Variants in EVI5 observed in about 807,000 individuals in gnomAD.
The protein encoded by EVI5 is ecotropic viral integration site 5, also known as ecotropic viral integration site 5 protein homolog.
EVI5 carries 73 observed loss-of-function variants against 112.0 expected under a neutral mutation model. That is an observed-to-expected ratio of 0.65 (90% CI 0.54 to 0.79). The LOEUF is 0.79. Ranked by LOEUF, EVI5 falls within the 30% of genes least tolerant of loss-of-function variation. EVI5 has a pLI of 0.00. For synonymous variants in EVI5, 305 were observed against 319.9 expected, an observed-to-expected ratio of 0.95 and a Z score of 0.50; for missense variants, 900 against 968.8, an observed-to-expected ratio of 0.93 and a Z score of 0.94.
intron 1 of EVI5, chr1:92,749,079 A>G (rs997272565): frequency 5.2e-5 from 9 of 172,326 alleles, no homozygotes; most frequent in African/African-American, 1.4e-4. Context: ...AAAAAAAAAA[A>G]AAAAAAGAAA....
chr1:92,625,743 T>C (rs755695414), intron 15 of EVI5, 51 bp downstream of exon 15: 19 of 1,537,860 alleles, frequency 1.2e-5, no homozygotes, highest in African/African-American at 5.5e-5. Flanking sequence ...ACAAATTGGA[T>C]ATTTCGGTTT....
intron 2 of EVI5, among the ~76,000 whole-genome samples, chr1:92,705,432 T>C (rs939351941): frequency 1.3e-5 from 2 of 152,208 alleles, no homozygotes; most frequent in African/African-American, 4.8e-5. Context: ...TATAGCTGCG[T>C]GGGAGCTTCT....
chr1:92,607,689 T>C lies in EVI5; in HGVS notation c.1866A>G (p.Gln622=), dbSNP rs373410363. Residue 622 remains glutamine, a synonymous_variant, in exon 17 of 20, where the codon CAA becomes CAG. Coordinates refer to ENST00000684568, the MANE Select transcript of EVI5 (RefSeq NM_001350197.2). ...INSNHLRRAE[Q]EVISLQEKVQ... The stretch of plus-strand genomic sequence containing the variant: ...CTTTCTCCTGTAGGCTAATCACCTC[T>C]TGTTCTGCTCTTCGAAGATGGTTAC... 12 of 1,605,276 alleles carry C rather than the reference T, an allele frequency of 7.5e-6. No individual in the cohort carries two copies. In the African/African-American group the frequency reaches 1.6e-4, roughly 22 times the overall value.
At chr1:92,709,959 G>A (rs1037811681) in intron 2 of EVI5, among the ~76,000 whole-genome samples, 4 of 151,484 alleles carry the variant, frequency 2.6e-5, no homozygotes, top group Non-Finnish European at 5.9e-5. Context: ...TTGGCAGCTG[G>A]GAAAATGGTA....
chr1:92,780,217 C>T (rs573834537), intron 1 of EVI5, among the ~76,000 whole-genome samples: 1 of 152,224 alleles, frequency 6.6e-6, no homozygotes, highest in Non-Finnish European at 1.5e-5. Context: ...TGCTTTCCAC[C>T]ATGGTTGTAA....
chr1:92,758,353 G>A (rs1033205264), intron 1 of EVI5, among the ~76,000 whole-genome samples: 3 of 152,016 alleles, frequency 2.0e-5, no homozygotes, highest in Non-Finnish European at 2.9e-5. Flanking sequence ...TGGATTGCTC[G>A]AGCCCAGGAG....
At chr1:92,531,706 A>G (rs900053600) in intron 19 of EVI5, among the ~76,000 whole-genome samples, 13 of 152,354 alleles carry the variant, frequency 8.5e-5, no homozygotes, top group African/African-American at 3.1e-4. Context: ...CAAGCGAAGG[A>G]AAAATAAAAT....
chr1:92,769,557 G>C (rs547972837), intron 1 of EVI5, among the ~76,000 whole-genome samples: 2 of 152,000 alleles, frequency 1.3e-5, no homozygotes, highest in Non-Finnish European at 2.9e-5. Flanking sequence ...TATCTTATAC[G>C]GCAGAGGGTG....
At chr1:92,596,504 T>C (rs1026378102) in intron 18 of EVI5, among the ~76,000 whole-genome samples, 6 of 152,236 alleles carry the variant, frequency 3.9e-5, no homozygotes, top group African/African-American at 1.4e-4. Context: ...CCAGCTATTA[T>C]TACTCTTATT....
chr1:92,609,029 T>C (rs1651129297), intron 16 of EVI5, among the ~76,000 whole-genome samples: 1 of 152,224 alleles, frequency 6.6e-6, no homozygotes, highest in South Asian at 2.1e-4. Context: ...CTGTTTATTG[T>C]ATTATAATTA....
chr1:92,512,267 C>T lies in EVI5; in HGVS notation c.*1389G>A, dbSNP rs569411062. On this transcript the variant is annotated 3_prime_UTR_variant, in exon 20 of 20. Transcript: ENST00000684568. ...AATAGATTATTTGTAGATATAATTG[C>T]TATGTTTCTTGGACCTTAGCCCATT... 1 of 152,676 alleles carries T rather than the reference C, an allele frequency of 6.5e-6. No individual in the cohort carries two copies. Among genetic ancestry groups the T allele is most frequent in the East Asian group, 1.9e-4 (1 of 5,188 alleles). 9.5% of individuals were successfully genotyped at this position (152,676 alleles called of 1,614,324 possible).
chr1:92,636,213 C>T lies in EVI5; in HGVS notation c.1516G>A (p.Asp506Asn). The change falls in exon 14 of 20, where the codon GAT becomes AAT. Residue 506 changes from aspartate (D) to asparagine (N), a missense_variant. By Grantham distance (23) the Asp-to-Asn change is conservative. Transcript: ENST00000684568. ...ALKEMQDKVL[D>N]IEKRNNSLPD... Reference sequence around the variant, plus strand: ...TGTAGGTTTCTTACCTTCTCTATATCCAAGACTTTATCCTGCATCTCTTTT... The same window carrying T: ...TGTAGGTTTCTTACCTTCTCTATATTCAAGACTTTATCCTGCATCTCTTTT... The T allele has an allele frequency of 1.2e-6, 2 of 1,612,942 alleles. No individual in the cohort carries two copies. The highest frequency in any genetic ancestry group is 1.7e-6 in the Non-Finnish European group (2 of 1,179,444).
chr1:92,559,814 C>T (rs372138532), intron 19 of EVI5, among the ~76,000 whole-genome samples: 5 of 151,110 alleles, frequency 3.3e-5, no homozygotes, highest in African/African-American at 1.2e-4. Flanking sequence ...TTGGCATTCC[C>T]ATGCAACTTA....
intron 13 of EVI5, among the ~76,000 whole-genome samples, chr1:92,655,568 T>C (rs1662858030): frequency 6.6e-6 from 1 of 152,120 alleles, no homozygotes; most frequent in Non-Finnish European, 1.5e-5. Context: ...AAAAGGATGA[T>C]CCAGTAATAT....
chr1:92,606,292 C>T (rs1158927178), intron 17 of EVI5, among the ~76,000 whole-genome samples: 1 of 152,186 alleles, frequency 6.6e-6, no homozygotes, highest in African/African-American at 2.4e-5. Context: ...CTTTGCTCAA[C>T]AGGTACTAAG....
Position 92,614,563 on chromosome 1 carries a change from T to A in EVI5, c.1828-6836A>T, listed in dbSNP as rs150753733. ...CACAATCTAATCAGCTGCCAGCGAA[T>A]ATAAAGCAGGCAGAAAAATGTGAAA... On this transcript the variant is annotated intron_variant, in intron 16 of 19. Transcript: ENST00000684568. 7.2e-5 allele frequency among the ~76,000 whole-genome samples: 11 copies of A among 152,084 alleles called. No homozygotes were observed. The East Asian group carries it at 2.1e-3, about 29-fold the overall frequency.
chr1:92,528,492 A>C (rs890888767), intron 19 of EVI5, among the ~76,000 whole-genome samples: 1 of 152,232 alleles, frequency 6.6e-6, no homozygotes, highest in Non-Finnish European at 1.5e-5. Context: ...ACATTACACC[A>C]AAAATTTTAT....
In EVI5 at chr1:92,679,984, G is replaced by A. The variant is rs538266587; in HGVS notation, c.1098-2766C>T. On this transcript the variant is annotated intron_variant, in intron 9 of 19. Coordinates refer to ENST00000684568, the MANE Select transcript of EVI5 (RefSeq NM_001350197.2). Reference sequence around the variant, plus strand: ...ACACACCAGGTTTTTCCAGTGTAAAGTTATTTGTTCCCCCTTCACTGATAG... The same window carrying A: ...ACACACCAGGTTTTTCCAGTGTAAAATTATTTGTTCCCCCTTCACTGATAG... Among the ~76,000 whole-genome samples the A allele has an allele frequency of 8.5e-5, 13 of 152,258 alleles. 1 individual carries two copies. The South Asian group carries it at 1.5e-3, about 17-fold the overall frequency.
intron 18 of EVI5, among the ~76,000 whole-genome samples, chr1:92,586,004 T>C (rs1012950351): frequency 5.2e-4 from 79 of 152,176 alleles, no homozygotes; most frequent in African/African-American, 1.9e-3. Flanking sequence ...TTCAGGTATT[T>C]TGTAAGATCT....
Sources: gnomAD v4.1 joint callset for allele counts (sites outside exome capture counted in the v4.1 genomes callset) on GRCh38, gnomAD v4.1.1 for gene constraint, MANE v1.5 for transcripts, NCBI Gene and HGNC (gene_info 2026-07-23, HGNC 2026-07-21) for gene names.